HIBADH: variants seen among roughly 807,000 people sequenced by gnomAD.
The protein encoded by HIBADH is 3-hydroxyisobutyrate dehydrogenase, mitochondrial.
In HIBADH, 25 loss-of-function variants were observed where a neutral mutation model predicts 36.1. The ratio of observed to expected loss-of-function variants is 0.69; its 90% confidence interval spans 0.50 to 0.97. The LOEUF is 0.97. Among genes scored for constraint, HIBADH ranks in the 50% least tolerant of loss-of-function variants. The probability of loss-of-function intolerance (pLI) is 0.00; values close to 1 mark genes in which losing one functional copy is unlikely to be tolerated. For missense variants in HIBADH, 421 were observed against 418.0 expected, an observed-to-expected ratio of 1.01 and a Z score of -0.06; for synonymous variants, 160 against 149.5, an observed-to-expected ratio of 1.07 and a Z score of -0.51.
rs574643507 is a variant in HIBADH, at chr7:27,660,815, G to C, written c.91+1883C>G. Among the ~76,000 whole-genome samples the C allele has an allele frequency of 5.6e-4, 86 of 152,280 alleles. No individual in the cohort carries two copies. In the Middle Eastern group the frequency reaches 0.01, roughly 18 times the overall value. On this transcript the variant is annotated intron_variant, in intron 1 of 7. Coordinates refer to ENST00000265395, the MANE Select transcript of HIBADH (RefSeq NM_152740.4). ...CCAAAGTACAAGACCATATGCCAAA[G>C]TAGTCTAATCAGCACTCTGAGGTAG... is the stretch of plus-strand genomic sequence containing the variant.
chr7:27,578,982 C>T (rs1784753175), intron 4 of HIBADH, among the ~76,000 whole-genome samples: 1 of 152,084 alleles, frequency 6.6e-6, no homozygotes, highest in African/African-American at 2.4e-5. Context: ...CTGGTCTAGA[C>T]TCCAGAAATG....
chr7:27,619,408 C>T (rs1478358913), intron 4 of HIBADH, among the ~76,000 whole-genome samples: 2 of 152,058 alleles, frequency 1.3e-5, no homozygotes, highest in African/African-American at 2.4e-5. Flanking sequence ...CATGAAAAAG[C>T]AAGGAAATAT....
At chr7:27,657,021 T>C (rs1406839836) in intron 1 of HIBADH, among the ~76,000 whole-genome samples, 11 of 152,192 alleles carry the variant, frequency 7.2e-5, no homozygotes, top group African/African-American at 2.7e-4. Flanking sequence ...ATGGCATCCT[T>C]CTGCCAAATG....
At chr7:27,617,437 A>G (rs969221560) in intron 4 of HIBADH, among the ~76,000 whole-genome samples, 2 of 152,228 alleles carry the variant, frequency 1.3e-5, no homozygotes, top group African/African-American at 4.8e-5. Flanking sequence ...AACAACTTAT[A>G]TTAAATTTTC....
At chr7:27,561,200 A>G (rs1784461987) in intron 4 of HIBADH, among the ~76,000 whole-genome samples, 2 of 152,086 alleles carry the variant, frequency 1.3e-5, no homozygotes, top group Non-Finnish European at 2.9e-5. Flanking sequence ...TGTACTTTAT[A>G]TTGGAAAAAA....
At chr7:27,628,765 T>C (rs960782573) in intron 4 of HIBADH, among the ~76,000 whole-genome samples, 3 of 152,252 alleles carry the variant, frequency 2.0e-5, no homozygotes, top group East Asian at 1.9e-4. Context: ...TTTGCTAATA[T>C]AAAGTTTTTA....
intron 4 of HIBADH, among the ~76,000 whole-genome samples, chr7:27,616,371 C>T (rs1334013310): frequency 6.6e-6 from 1 of 152,166 alleles, no homozygotes; most frequent in Non-Finnish European, 1.5e-5. Context: ...GCTCATATAT[C>T]CAAACCACAC....
chr7:27,644,265 A>G (rs1786015337), intron 2 of HIBADH, among the ~76,000 whole-genome samples: 1 of 152,094 alleles, frequency 6.6e-6, no homozygotes, highest in Non-Finnish European at 1.5e-5. Flanking sequence ...AGAGATCGAG[A>G]CCATCCTGGC....
At chr7:27,615,561 C>T (rs1785410880) in intron 4 of HIBADH, among the ~76,000 whole-genome samples, 2 of 152,114 alleles carry the variant, frequency 1.3e-5, no homozygotes, top group African/African-American at 2.4e-5. Context: ...GAGATCATCA[C>T]GGAACTGAAA....
intron 4 of HIBADH, among the ~76,000 whole-genome samples, chr7:27,560,271 A>G (rs12700819): frequency 0.76 from 115,967 of 152,148 alleles, 44,678 homozygotes; most frequent in East Asian, 0.94. Context: ...ACAGGCGTGC[A>G]CCACCACGCC....
chr7:27,595,570 A>G (rs1583587625), intron 4 of HIBADH, among the ~76,000 whole-genome samples: 1 of 136,328 alleles, frequency 7.3e-6, no homozygotes, highest in East Asian at 2.2e-4. Flanking sequence ...TGTAATTTCC[A>G]TAAGGGCAGG....
intron 4 of HIBADH, among the ~76,000 whole-genome samples, chr7:27,592,555 T>G (rs969407702): frequency 2.0e-5 from 3 of 152,162 alleles, no homozygotes; most frequent in Non-Finnish European, 4.4e-5. Context: ...GAGTTATTCT[T>G]GGTGAATGTT....
At chr7:27,644,905 A>T (rs1267656684) in intron 2 of HIBADH, among the ~76,000 whole-genome samples, 1 of 152,096 alleles carries the variant, frequency 6.6e-6, no homozygotes, top group African/African-American at 2.4e-5. Flanking sequence ...TTTCAGGAAA[A>T]GTCTATAGTA....
Position 27,582,172 on chromosome 7 carries a change from T to A in HIBADH, c.485-39072A>T, listed in dbSNP as rs192237433. On this transcript the variant is annotated intron_variant, in intron 4 of 7. Transcript: ENST00000265395. ...GAAATGTTGTTGTATGCTTTACAAGTACACAATCCCTTCCCTTCAACTCTT... is the reference window on the plus strand; with the variant it reads ...GAAATGTTGTTGTATGCTTTACAAGAACACAATCCCTTCCCTTCAACTCTT... Among the ~76,000 whole-genome samples the A allele has an allele frequency of 2.4e-4, 37 of 152,284 alleles. 1 individual carries two copies. The East Asian group carries it at 6.9e-3, about 29-fold the overall frequency.
intron 4 of HIBADH, among the ~76,000 whole-genome samples, chr7:27,585,632 T>C (rs1202113035): frequency 6.6e-6 from 1 of 152,136 alleles, no homozygotes; most frequent in African/African-American, 2.4e-5. Context: ...AATGAAAAAG[T>C]AAAAAGCATT....
chr7:27,595,016 T>C (rs577344244), intron 4 of HIBADH, among the ~76,000 whole-genome samples: 3 of 152,324 alleles, frequency 2.0e-5, no homozygotes, highest in Admixed American at 1.3e-4. Flanking sequence ...AATTTCTTTT[T>C]AATTTTACAA....
At chr7:27,583,537 T>C (rs541798262) in intron 4 of HIBADH, among the ~76,000 whole-genome samples, 1 of 152,192 alleles carries the variant, frequency 6.6e-6, no homozygotes, top group African/African-American at 2.4e-5. Context: ...AATAACTTTT[T>C]GTGACATTAA....
intron 4 of HIBADH, among the ~76,000 whole-genome samples, chr7:27,574,627 G>A (rs954244587): frequency 6.6e-6 from 1 of 152,002 alleles, no homozygotes; most frequent in Non-Finnish European, 1.5e-5. Context: ...AAAAAAAGTG[G>A]TTATGCACAC....
intron 4 of HIBADH, among the ~76,000 whole-genome samples, chr7:27,601,130 G>A (rs905979911): frequency 3.3e-5 from 5 of 152,104 alleles, no homozygotes; most frequent in Non-Finnish European, 4.4e-5. Flanking sequence ...ATCATGATGA[G>A]TATGGGCCGG....
Sources: allele counts gnomAD v4.1 joint callset (sites outside exome capture counted in the v4.1 genomes callset), GRCh38; gene constraint gnomAD v4.1.1; transcripts MANE v1.5; gene names NCBI Gene and HGNC (gene_info 2026-07-23, HGNC 2026-07-21).